Variants in LRFN2 observed in about 807,000 individuals in gnomAD.
The protein encoded by LRFN2 is leucine-rich repeat and fibronectin type-III domain-containing protein 2.
Under a neutral mutation model 37.3 loss-of-function variants are expected in LRFN2, and 18 were observed. That is an observed-to-expected ratio of 0.48 (90% confidence interval 0.33 to 0.72). LRFN2 has a LOEUF of 0.72. LRFN2 is among the 30% of genes least tolerant of loss of function. The pLI is 0.02. For missense variants in LRFN2, 1,006 were observed against 1,060.7 expected, an observed-to-expected ratio of 0.95 and a Z score of 0.72; for synonymous variants, 556 against 466.6, an observed-to-expected ratio of 1.19 and a Z score of -2.47.
chr6:40,513,900 G>A (rs1328839123), intron 1 of LRFN2, among the ~76,000 whole-genome samples: 1 of 151,956 alleles, frequency 6.6e-6, no homozygotes, highest in Non-Finnish European at 1.5e-5. Flanking sequence ...AGCAGTGTGT[G>A]CAAAGTCTCG....
chr6:40,507,089 G>A (rs979002172), intron 1 of LRFN2, among the ~76,000 whole-genome samples: 1 of 152,206 alleles, frequency 6.6e-6, no homozygotes, highest in Non-Finnish European at 1.5e-5. Context: ...CGCTCCCCGC[G>A]TGGATGACGT....
intron 1 of LRFN2, among the ~76,000 whole-genome samples, chr6:40,497,447 AT>A (rs1765259083): frequency 6.6e-6 from 1 of 151,992 alleles, no homozygotes; most frequent in African/African-American, 2.4e-5. Flanking sequence ...CTATCCAGAT[AT>A]TTGCCTCCAA....
chr6:40,460,523 C>T (rs1280569897), intron 1 of LRFN2, among the ~76,000 whole-genome samples: 1 of 152,182 alleles, frequency 6.6e-6, no homozygotes, highest in Non-Finnish European at 1.5e-5. Flanking sequence ...CATTCCCAAG[C>T]CGTGTACTAA....
In LRFN2 at chr6:40,511,101, A is replaced by G. The variant is rs571938774; in HGVS notation, c.-19+75840T>C. Among the ~76,000 whole-genome samples the G allele has an allele frequency of 4.5e-4, 69 of 152,256 alleles. 1 individual carries two copies. Among genetic ancestry groups the G allele is most frequent in the African/African-American group, 1.6e-3 (68 of 41,560 alleles). The stretch of plus-strand genomic sequence containing the variant: ...GCAGGAGGGAACACAGAGTTGAGTT[A>G]TCATGCACACCAGGGGAAATAATGA... On this transcript the variant is annotated intron_variant, in intron 1 of 2. Transcript: ENST00000338305.
In LRFN2 at chr6:40,432,067, G is replaced by C. The variant is rs752265187; in HGVS notation, c.1047C>G (p.Thr349=). ...TGAAGGCACCACTGTCCTGAGATGTGGTGATGAAGATGTCCAGGGTGCCAT... is the reference window on the plus strand; with the variant it reads ...TGAAGGCACCACTGTCCTGAGATGTCGTGATGAAGATGTCCAGGGTGCCAT... ...YDNGTLDIFI[T]TSQDSGAFTC... The change falls in exon 2 of 3, where the codon ACC becomes ACG. Residue 349 remains threonine (T), a synonymous_variant. Transcript: ENST00000338305. 1.2e-6 allele frequency: 2 copies of C among 1,614,070 alleles called. No homozygotes were observed. The highest frequency in any genetic ancestry group is 1.7e-5 in the Admixed American group (1 of 60,024).
rs762810574 is a variant in LRFN2 at position 40,432,739 on chromosome 6, G to T, written c.375C>A (p.Asn125Lys). Residue 125 changes from asparagine to lysine, a missense_variant, in exon 2 of 3, where the codon AAC (asparagine) becomes AAA (lysine). Physicochemically the swap from Asn to Lys is moderately conservative, Grantham distance 94 (BLOSUM62 0). Transcript: ENST00000338305. ...TGTTGTTCACGATAAGGTGCTGCAG[G>T]TTGACCAGGCCCCGGAGGGTGTCCT... ...LGEDTLRGLV[N>K]LQHLIVNNNQ... 5 of 1,614,070 alleles carry T rather than the reference G, an allele frequency of 3.1e-6. No homozygotes were observed. The highest frequency in any genetic ancestry group is 3.4e-6 in the Non-Finnish European group (4 of 1,180,042).
In LRFN2 at chr6:40,432,725, A is replaced by T; in HGVS notation, c.389T>A (p.Ile130Asn). 1 of 1,614,146 alleles carries T rather than the reference A, an allele frequency of 6.2e-7. No individual in the cohort carries two copies. Among genetic ancestry groups the T allele is most frequent in the Non-Finnish European group, 8.5e-7 (1 of 1,180,026 alleles). Residue 130 changes from isoleucine (I) to asparagine (N), a missense_variant, in exon 2 of 3, where the codon ATC (isoleucine) becomes AAC (asparagine). Ile to Asn is a moderately radical substitution (Grantham distance 149). Coordinates refer to ENST00000338305, the MANE Select transcript of LRFN2 (RefSeq NM_020737.3). ...GCCGCCCAGCTGGTTGTTGTTCACG[A>T]TAAGGTGCTGCAGGTTGACCAGGCC... ...LRGLVNLQHL[I>N]VNNNQLGGIA...
intron 1 of LRFN2, among the ~76,000 whole-genome samples, chr6:40,530,910 A>G (rs1360552113): frequency 1.3e-5 from 2 of 152,022 alleles, no homozygotes; most frequent in African/African-American, 4.8e-5. Flanking sequence ...AACTGTCAAC[A>G]CTGTTTGCCT....
chr6:40,512,589 G>T (rs185148573), intron 1 of LRFN2, among the ~76,000 whole-genome samples: 18 of 152,302 alleles, frequency 1.2e-4, no homozygotes, highest in African/African-American at 3.6e-4. Flanking sequence ...CACATTTTGG[G>T]CCTGGTTTAG....
At chr6:40,548,300 A>G (rs962182012) in intron 1 of LRFN2, among the ~76,000 whole-genome samples, 15 of 152,128 alleles carry the variant, frequency 9.9e-5, no homozygotes, top group Non-Finnish European at 1.5e-5. Flanking sequence ...AATTAGCTGG[A>G]CATGGTGGTG....
intron 1 of LRFN2, among the ~76,000 whole-genome samples, chr6:40,557,123 G>T (rs991658755): frequency 5.9e-5 from 9 of 152,056 alleles, no homozygotes; most frequent in African/African-American, 2.2e-4. Context: ...AGGCCTCTAA[G>T]CCTTTGGGAT....
intron 1 of LRFN2, among the ~76,000 whole-genome samples, chr6:40,465,328 T>A (rs1028432428): frequency 6.6e-6 from 1 of 152,222 alleles, no homozygotes; most frequent in African/African-American, 2.4e-5. Flanking sequence ...ATATTTGTTA[T>A]TTTAAGCTAT....
chr6:40,538,494 A>C (rs987150136), intron 1 of LRFN2, among the ~76,000 whole-genome samples: 1 of 152,244 alleles, frequency 6.6e-6, no homozygotes, highest in African/African-American at 2.4e-5. Context: ...TTAAGAAGAG[A>C]AATCCTCGCA....
At chr6:40,484,203 A>T (rs1002992823) in intron 1 of LRFN2, among the ~76,000 whole-genome samples, 3 of 152,198 alleles carry the variant, frequency 2.0e-5, no homozygotes, top group Non-Finnish European at 4.4e-5. Context: ...GGAAGGATTT[A>T]TGAGAAAGCA....
At position 40,523,505 on chromosome 6, in the gene LRFN2, A is replaced by ATT. The variant is rs751179915; in HGVS notation, c.-19+63434_-19+63435dup. Reference sequence around the variant, plus strand: ...TAGGACCCTAAAGCATCTTTAGGTGATTTTTTTTTTTTTTTTTTTTTTTTT... The same window carrying ATT: ...TAGGACCCTAAAGCATCTTTAGGTGATTTTTTTTTTTTTTTTTTTTTTTTTTT... On this transcript the variant is annotated intron_variant, in intron 1 of 2. Transcript: ENST00000338305. Among the ~76,000 whole-genome samples, 575 of 129,180 alleles carry ATT rather than the reference A, an allele frequency of 4.5e-3. 9 individuals carry two copies. The highest frequency in any genetic ancestry group is 7.8e-3 in the Non-Finnish European group (472 of 60,342). 84.7% of individuals were successfully genotyped at this position (129,180 alleles called of 152,430 possible). A position where few individuals can be genotyped will look rare whatever the true frequency, so the allele number is the denominator to read the frequency against.
intron 1 of LRFN2, among the ~76,000 whole-genome samples, chr6:40,568,485 A>T (rs944852735): frequency 7.9e-5 from 12 of 152,224 alleles, no homozygotes; most frequent in Admixed American, 2.0e-4. Context: ...AAAGTTATGT[A>T]TGTGGGTGGC....
At chr6:40,580,733 G>A (rs929763201) in intron 1 of LRFN2, among the ~76,000 whole-genome samples, 2 of 152,220 alleles carry the variant, frequency 1.3e-5, no homozygotes, top group East Asian at 1.9e-4. Context: ...GTCTTTGAGG[G>A]AGAAGCCAGT....
chr6:40,536,470 A>C (rs1034785238), intron 1 of LRFN2, among the ~76,000 whole-genome samples: 2 of 152,248 alleles, frequency 1.3e-5, no homozygotes, highest in Non-Finnish European at 2.9e-5. Context: ...GAATGACAGC[A>C]AATGAAGGTC....
chr6:40,517,448 A>T (rs1357501762), intron 1 of LRFN2: 4 of 152,154 alleles, frequency 2.6e-5, no homozygotes, highest in Non-Finnish European at 5.9e-5. Context: ...TTCAGACAAA[A>T]ATCATGCTGC....
Sources: allele counts gnomAD v4.1 joint callset (sites outside exome capture counted in the v4.1 genomes callset), GRCh38; gene constraint gnomAD v4.1.1; transcripts MANE v1.5; gene names NCBI Gene and HGNC (gene_info 2026-07-23, HGNC 2026-07-21).